Variants in PDE3B observed in about 807,000 individuals in gnomAD.
PDE3B encodes the protein cGMP-inhibited 3',5'-cyclic phosphodiesterase 3B.
PDE3B carries 66 observed loss-of-function variants against 116.8 expected under a neutral mutation model. The ratio of observed to expected loss-of-function variants is 0.56; its 90% CI spans 0.46 to 0.69. The LOEUF is 0.69. Among genes scored for constraint, PDE3B ranks in the 30% least tolerant of loss-of-function variants. The probability of loss-of-function intolerance (pLI) is 0.00; values close to 1 mark genes in which losing one functional copy is unlikely to be tolerated. For missense variants in PDE3B, 1,384 were observed against 1,368.1 expected (o/e 1.01, Z -0.18); for synonymous variants, 595 against 533.6 (o/e 1.12, Z -1.59).
chr11:14,778,723 G>A (rs544429651), intron 2 of PDE3B, among the ~76,000 whole-genome samples: 4 of 152,306 alleles, frequency 2.6e-5, no homozygotes, highest in Non-Finnish European at 5.9e-5. Context: ...AGAAACCAGA[G>A]CAGAAAAGCT....
At chr11:14,726,044 A>G (rs1445478467) in intron 1 of PDE3B, among the ~76,000 whole-genome samples, 1 of 152,146 alleles carries the variant, frequency 6.6e-6, no homozygotes, top group African/African-American at 2.4e-5. Flanking sequence ...AGATATCAGT[A>G]TTATTCCAGA....
At chr11:14,740,637 C>T (rs933965270) in intron 1 of PDE3B, among the ~76,000 whole-genome samples, 1 of 152,158 alleles carries the variant, frequency 6.6e-6, no homozygotes, top group Admixed American at 6.6e-5. Context: ...TTCTGGTCTT[C>T]TGCTAGCATT....
intron 1 of PDE3B, among the ~76,000 whole-genome samples, chr11:14,740,643 G>A (rs1305454028): frequency 3.9e-5 from 6 of 152,110 alleles, no homozygotes; most frequent in Admixed American, 3.9e-4. Context: ...TCTTCTGCTA[G>A]CATTTGAATT....
At chr11:14,698,463 G>C (rs1029686306) in intron 1 of PDE3B, among the ~76,000 whole-genome samples, 11 of 151,756 alleles carry the variant, frequency 7.2e-5, no homozygotes, top group African/African-American at 2.4e-4. Context: ...AACCCCACTT[G>C]ATTATGTATA....
At chr11:14,818,966 C>G (rs1400077707) in intron 6 of PDE3B, among the ~76,000 whole-genome samples, 170 bp from the exon 7 acceptor site, 3 of 152,166 alleles carry the variant, frequency 2.0e-5, no homozygotes, top group African/African-American at 7.2e-5. Context: ...CCTTCAAGGA[C>G]ACACAGATAC....
chr11:14,820,618 G>A (rs989763901), intron 7 of PDE3B, among the ~76,000 whole-genome samples: 7 of 152,192 alleles, frequency 4.6e-5, no homozygotes, highest in Non-Finnish European at 8.8e-5. Flanking sequence ...TTCATGTGTC[G>A]AAATCCTATA....
chr11:14,878,412 A>G, the PDE3B span: 1 of 1,001,324 alleles, frequency 1.0e-6, no homozygotes, highest in South Asian at 1.5e-5. Context: ...GAAAGAGGGA[A>G]CTATGTTTAT....
chr11:14,811,745 T>C (rs1859139353), intron 5 of PDE3B, among the ~76,000 whole-genome samples: 2 of 152,214 alleles, frequency 1.3e-5, no homozygotes, highest in South Asian at 4.2e-4. Flanking sequence ...ATGGCCATTT[T>C]CACAATATTG....
At chr11:14,732,078 A>G (rs1216119498) in intron 1 of PDE3B, among the ~76,000 whole-genome samples, 3 of 152,144 alleles carry the variant, frequency 2.0e-5, no homozygotes, top group Non-Finnish European at 4.4e-5. Flanking sequence ...AGGTATGGGA[A>G]GGAGACATGC....
chr11:14,651,427 G>A (rs746997112), intron 1 of PDE3B, among the ~76,000 whole-genome samples: 2 of 152,056 alleles, frequency 1.3e-5, no homozygotes, highest in South Asian at 2.1e-4. Flanking sequence ...TTTTTGGGGC[G>A]ATACAATTCA....
chr11:14,803,987 A>G lies in PDE3B; in HGVS notation c.1459A>G (p.Thr487Ala). 1 of 1,611,716 alleles carries G rather than the reference A, an allele frequency of 6.2e-7. No individual in the cohort carries two copies. Among genetic ancestry groups the G allele is most frequent in the South Asian group, 1.1e-5 (1 of 91,012 alleles). Residue 487 changes from threonine (T) to alanine (A), a missense_variant, in exon 5 of 16, where the codon ACT becomes GCT. By Grantham distance (58) the Thr-to-Ala change is moderately conservative (BLOSUM62 0). Around this residue, in one of 2 missense-constraint regions of PDE3B, gnomAD observed 956 missense variants for 806.8 expected, o/e 1.18. Transcript: ENST00000282096. ...TGGGCCTTTTAATTCAAATCTACTGACTATCCCGAAGCAAAGGTCATCTTC... is the reference window on the plus strand; with the variant it reads ...TGGGCCTTTTAATTCAAATCTACTGGCTATCCCGAAGCAAAGGTCATCTTC... ...LNGPFNSNLL[T>A]IPKQRSSSVS... is the part of the protein sequence containing the mutation.
chr11:14,890,855 C>A, the PDE3B span: 1 of 985,172 alleles, frequency 1.0e-6, no homozygotes, highest in Non-Finnish European at 1.2e-6. Context: ...GGCACCTAGA[C>A]CAATCCTTGT....
intron 1 of PDE3B, among the ~76,000 whole-genome samples, chr11:14,709,615 G>T (rs1159320831): frequency 6.6e-6 from 1 of 152,180 alleles, no homozygotes; most frequent in Non-Finnish European, 1.5e-5. Flanking sequence ...AGATTTGTGT[G>T]TGTTCTGGCT....
intron 14 of PDE3B, among the ~76,000 whole-genome samples, chr11:14,861,959 C>G (rs577397871): frequency 6.6e-6 from 1 of 152,304 alleles, no homozygotes; most frequent in East Asian, 1.9e-4. Flanking sequence ...GGGCCACATA[C>G]ACAGTGTGTT....
At chr11:14,661,054 A>C (rs1428193403) in intron 1 of PDE3B, among the ~76,000 whole-genome samples, 1 of 152,240 alleles carries the variant, frequency 6.6e-6, no homozygotes, top group African/African-American at 2.4e-5. Context: ...AAATAGGAAC[A>C]CTTTTACACT....
At chr11:14,753,526 C>T (rs1310784710) in intron 1 of PDE3B, among the ~76,000 whole-genome samples, 3 of 152,074 alleles carry the variant, frequency 2.0e-5, no homozygotes, top group South Asian at 2.1e-4. Flanking sequence ...CTGAAAATTA[C>T]GATGGTAAGA....
downstream of PDE3B, among the ~76,000 whole-genome samples, chr11:14,872,297 G>A (rs948121714): frequency 3.9e-5 from 6 of 152,182 alleles, no homozygotes; most frequent in Non-Finnish European, 7.4e-5. Flanking sequence ...GGGGATAGGA[G>A]TGGCAGGTGG....
chr11:14,824,660 C>T (rs1001912264), intron 7 of PDE3B, among the ~76,000 whole-genome samples: 1 of 152,178 alleles, frequency 6.6e-6, no homozygotes, highest in African/African-American at 2.4e-5. Context: ...CAAATCTACA[C>T]ATCATTGACA....
chr11:14,735,862 G>A (rs1856580782), intron 1 of PDE3B, among the ~76,000 whole-genome samples: 1 of 152,066 alleles, frequency 6.6e-6, no homozygotes, highest in African/African-American at 2.4e-5. Flanking sequence ...TATTTAGTCT[G>A]GATGAATCAC....
Sources: gnomAD v4.1 joint callset for allele counts (sites outside exome capture counted in the v4.1 genomes callset) on GRCh38, gnomAD v4.1.1 for gene constraint, gnomAD v4.1.1 regional missense constraint, MANE v1.5 for transcripts, NCBI Gene and HGNC (gene_info 2026-07-23, HGNC 2026-07-21) for gene names.